Variants in MPHOSPH6 observed in about 807,000 individuals in gnomAD.
MPHOSPH6 encodes the protein M-phase phosphoprotein 6.
A neutral mutation model predicts 21.8 loss-of-function variants in MPHOSPH6; 25 were observed. That is an observed-to-expected ratio of 1.15 (90% confidence interval 0.83 to 1.60). The LOEUF (loss-of-function observed/expected upper bound fraction) is 1.60. Ranked by LOEUF, MPHOSPH6 falls within the 40% of genes most tolerant of loss-of-function variation. MPHOSPH6 has a pLI of 0.00. For missense variants in MPHOSPH6, 269 were observed against 181.8 expected (o/e 1.48, Z -2.76); for synonymous variants, 84 against 56.5 (o/e 1.49, Z -2.18).
At chr16:82,158,851 G>C (rs540291108) in intron 2 of MPHOSPH6, among the ~76,000 whole-genome samples, 2 of 152,272 alleles carry the variant, frequency 1.3e-5, no homozygotes, top group South Asian at 4.1e-4. Flanking sequence ...TGTGATTTTT[G>C]ATATTGTATA....
intron 1 of MPHOSPH6, among the ~76,000 whole-genome samples, 158 bp from the exon 2 acceptor site, chr16:82,164,352 C>T (rs1013219765): frequency 3.9e-5 from 6 of 152,224 alleles, no homozygotes; most frequent in Non-Finnish European, 8.8e-5. Context: ...TTTAGCTCTA[C>T]CCTTCCAACT....
At chr16:82,149,966 C>T (rs1280100395) in intron 3 of MPHOSPH6, among the ~76,000 whole-genome samples, 1 of 151,968 alleles carries the variant, frequency 6.6e-6, no homozygotes, top group Non-Finnish European at 1.5e-5. Flanking sequence ...CAGGGTCTCT[C>T]CTCCAACTCT....
rs1906458709 is a variant in MPHOSPH6, at chr16:82,157,280, T to G, written c.165-5766A>C. ...GTCCATTAATAGAAGAATGAATAGATATACCGTGGTGTATCTGTAAAATGA... is the reference window on the plus strand; with the variant it reads ...GTCCATTAATAGAAGAATGAATAGAGATACCGTGGTGTATCTGTAAAATGA... On this transcript the variant is annotated intron_variant, in intron 2 of 4. Transcript: ENST00000258169. Among the ~76,000 whole-genome samples the G allele has an allele frequency of 2.6e-5, 4 of 152,180 alleles. No individual in the cohort carries two copies. The South Asian group carries it at 8.3e-4, about 32-fold the overall frequency.
At chr16:82,162,497 T>G (rs568252768) in intron 2 of MPHOSPH6, among the ~76,000 whole-genome samples, 1 of 152,358 alleles carries the variant, frequency 6.6e-6, no homozygotes, top group Admixed American at 6.5e-5. Flanking sequence ...TAGGATGACC[T>G]TGGGCTGGCC....
intron 2 of MPHOSPH6, 129 bp from the exon 3 acceptor site, chr16:82,151,643 C>T (rs1906269305): frequency 1.6e-6 from 2 of 1,268,318 alleles, no homozygotes; most frequent in Non-Finnish European, 2.0e-6. Flanking sequence ...AGTAAGATTT[C>T]TAACTTAGGG....
intron 3 of MPHOSPH6, among the ~76,000 whole-genome samples, chr16:82,150,136 C>G (rs1302312944): frequency 6.6e-6 from 1 of 151,738 alleles, no homozygotes; most frequent in African/African-American, 2.4e-5. Context: ...AAACCTTTTC[C>G]TAGGGGGAGT....
At chr16:82,164,044 G>A in intron 2 of MPHOSPH6, 38 bp downstream of exon 2, 1 of 1,368,242 alleles carries the variant, frequency 7.3e-7, no homozygotes. Context: ...CCTTCTGAAT[G>A]CCACAAGCAT....
intron 1 of MPHOSPH6, 35 bp downstream of exon 1, chr16:82,170,090 T>G: frequency 6.3e-7 from 1 of 1,574,910 alleles, no homozygotes. Flanking sequence ...CGGGTGCCCC[T>G]ACCGCCCGGA....
At chr16:82,155,815 G>C (rs762495652) in intron 2 of MPHOSPH6, among the ~76,000 whole-genome samples, 2 of 151,880 alleles carry the variant, frequency 1.3e-5, no homozygotes, top group Non-Finnish European at 2.9e-5. Flanking sequence ...TGGGGCAGGA[G>C]AATCGCCTGA....
At chr16:82,158,291 A>G (rs532200916) in intron 2 of MPHOSPH6, among the ~76,000 whole-genome samples, 61 of 151,726 alleles carry the variant, frequency 4.0e-4, no homozygotes, top group Non-Finnish European at 7.5e-4. Context: ...AATTGAGATC[A>G]TCCTGGCTAA....
intron 1 of MPHOSPH6, among the ~76,000 whole-genome samples, chr16:82,164,410 A>G (rs560194054): frequency 1.3e-5 from 2 of 152,224 alleles, no homozygotes; most frequent in East Asian, 3.8e-4. Flanking sequence ...AAAATGCACA[A>G]TGTATATTTC....
intron 2 of MPHOSPH6, 69 bp from the exon 3 acceptor site, chr16:82,151,583 AT>A: frequency 6.8e-7 from 1 of 1,474,078 alleles, no homozygotes. Flanking sequence ...AACACTTTGA[AT>A]AAAAAAAATA....
chr16:82,160,105 C>G (rs1567614340), intron 2 of MPHOSPH6, among the ~76,000 whole-genome samples: 1 of 151,326 alleles, frequency 6.6e-6, no homozygotes, highest in East Asian at 2.0e-4. Flanking sequence ...AGGTTTTTCC[C>G]ACGGGTTTGC....
At chr16:82,151,784 T>C (rs953436807) in intron 2 of MPHOSPH6, among the ~76,000 whole-genome samples, 1 of 152,238 alleles carries the variant, frequency 6.6e-6, no homozygotes, top group African/African-American at 2.4e-5. Context: ...AGATCTAAAG[T>C]ATTGACAATA....
chr16:82,150,729 A>T (rs1350550922), intron 3 of MPHOSPH6, among the ~76,000 whole-genome samples: 1 of 152,222 alleles, frequency 6.6e-6, no homozygotes, highest in African/African-American at 2.4e-5. Flanking sequence ...CCACCACCAC[A>T]AAGAATTATC....
At chr16:82,159,179 T>C (rs1906527843) in intron 2 of MPHOSPH6, among the ~76,000 whole-genome samples, 2 of 152,242 alleles carry the variant, frequency 1.3e-5, no homozygotes, top group African/African-American at 2.4e-5. Flanking sequence ...ACAGGCTGAC[T>C]GCAGGCGTTC....
At chr16:82,152,973 G>C (rs1906314397) in intron 2 of MPHOSPH6, among the ~76,000 whole-genome samples, 1 of 152,174 alleles carries the variant, frequency 6.6e-6, no homozygotes, top group Non-Finnish European at 1.5e-5. Context: ...ACCAGTAAAA[G>C]AGCCTCAGCT....
At chr16:82,150,987 G>A (rs755441316) in intron 3 of MPHOSPH6, 25 of 153,822 alleles carry the variant, frequency 1.6e-4, no homozygotes, top group Non-Finnish European at 3.0e-4. Flanking sequence ...ACAAACTGTC[G>A]AAAGGATTCA....
At chr16:82,153,188 G>A (rs560096419) in intron 2 of MPHOSPH6, among the ~76,000 whole-genome samples, 1 of 152,214 alleles carries the variant, frequency 6.6e-6, no homozygotes, top group South Asian at 2.1e-4. Flanking sequence ...ATAGAAAGAG[G>A]GGCCAAATAA....
Sources: allele counts gnomAD v4.1 joint callset (sites outside exome capture counted in the v4.1 genomes callset), GRCh38; gene constraint gnomAD v4.1.1; transcripts MANE v1.5; gene names NCBI Gene and HGNC (gene_info 2026-07-23, HGNC 2026-07-21).